Variants in CNGA3 observed in about 807,000 individuals in gnomAD.
CNGA3 encodes cyclic nucleotide gated channel subunit alpha 3.
A neutral mutation model predicts 46.6 loss-of-function variants in CNGA3; 42 were observed. That is an observed-to-expected ratio of 0.90 (90% CI 0.70 to 1.17). CNGA3 has a LOEUF of 1.17. CNGA3 is among the 50% of genes most tolerant of loss of function. The probability of loss-of-function intolerance (pLI) is 0.00; values close to 1 mark genes in which losing one functional copy is unlikely to be tolerated. For missense variants in CNGA3, 893 were observed against 890.7 expected (o/e 1.00, Z -0.03); for synonymous variants, 394 against 369.4 (o/e 1.07, Z -0.76).
At chr2:98,358,488 A>C (rs1375281100) in intron 1 of CNGA3, among the ~76,000 whole-genome samples, 1 of 152,212 alleles carries the variant, frequency 6.6e-6, no homozygotes, top group East Asian at 1.9e-4. Context: ...TCATGCAAAA[A>C]AAAATTAATA....
chr2:98,354,045 A>C (rs1574357698), intron 1 of CNGA3, among the ~76,000 whole-genome samples: 1 of 152,186 alleles, frequency 6.6e-6, no homozygotes, highest in South Asian at 2.1e-4. Context: ...ACAGAACATG[A>C]GATTTGGGAG....
intron 1 of CNGA3, among the ~76,000 whole-genome samples, chr2:98,362,293 C>T (rs1692053449): frequency 6.7e-6 from 1 of 150,318 alleles, no homozygotes; most frequent in African/African-American, 2.4e-5. Context: ...GATTCTCCTA[C>T]CTCAGCCTCC....
intron 1 of CNGA3, among the ~76,000 whole-genome samples, chr2:98,369,327 T>C (rs574595387): frequency 1.1e-4 from 17 of 152,374 alleles, no homozygotes; most frequent in Admixed American, 9.8e-4. Flanking sequence ...CTATCTTTCA[T>C]TGGACAAGCT....
At chr2:98,361,861 C>T (rs1446507086) in intron 1 of CNGA3, among the ~76,000 whole-genome samples, 2 of 151,980 alleles carry the variant, frequency 1.3e-5, no homozygotes, top group African/African-American at 2.4e-5. Context: ...GCGCCCGCCA[C>T]CACCCCCAGA....
At chr2:98,373,246 C>T (rs1163896810) in intron 2 of CNGA3, among the ~76,000 whole-genome samples, 1 of 152,160 alleles carries the variant, frequency 6.6e-6, no homozygotes, top group Non-Finnish European at 1.5e-5. Flanking sequence ...CAGGCACATA[C>T]CACGCAAAAA....
chr2:98,381,779 A>G (rs73961412), intron 4 of CNGA3, among the ~76,000 whole-genome samples: 6,875 of 152,204 alleles, frequency 0.045, 501 homozygotes, highest in African/African-American at 0.16. Flanking sequence ...AGACAAGTGC[A>G]GGGAGGTCCC....
chr2:98,386,322 C>T (rs566610479), intron 5 of CNGA3, among the ~76,000 whole-genome samples: 1 of 152,336 alleles, frequency 6.6e-6, no homozygotes, highest in South Asian at 2.1e-4. Context: ...ACCCAAATCT[C>T]ATCTTGAATT....
At chr2:98,390,800 G>GGGTA (rs1316162127) in intron 6 of CNGA3, among the ~76,000 whole-genome samples, 1 of 152,176 alleles carries the variant, frequency 6.6e-6, no homozygotes, top group East Asian at 1.9e-4. Flanking sequence ...CACCAATGCA[G>GGGTA]GGTACACTGT....
At chr2:98,391,011 G>A (rs572947726) in intron 6 of CNGA3, among the ~76,000 whole-genome samples, 1 of 152,350 alleles carries the variant, frequency 6.6e-6, no homozygotes, top group Admixed American at 6.5e-5. Flanking sequence ...AGAGTAGGCA[G>A]TAGGCTTTGG....
chr2:98,366,046 G>T (rs914909619), intron 1 of CNGA3, among the ~76,000 whole-genome samples: 6 of 152,076 alleles, frequency 3.9e-5, no homozygotes, highest in African/African-American at 1.4e-4. Flanking sequence ...ATCTTGTTTT[G>T]GTCTTTGAGG....
intron 5 of CNGA3, among the ~76,000 whole-genome samples, chr2:98,384,081 G>C (rs1315222261): frequency 1.3e-5 from 2 of 152,044 alleles, no homozygotes; most frequent in African/African-American, 4.8e-5. Flanking sequence ...TAGAGAGGGG[G>C]GGTTTCACCG....
chr2:98,389,610 T>A, intron 5 of CNGA3, 48 bp from the exon 6 acceptor site: 1 of 1,545,778 alleles, frequency 6.5e-7, no homozygotes, highest in Non-Finnish European at 8.9e-7. Context: ...CCTCCAAAGC[T>A]ACAGTCTTGG....
chr2:98,388,787 A>G (rs1470416786), intron 5 of CNGA3, among the ~76,000 whole-genome samples: 1 of 152,226 alleles, frequency 6.6e-6, no homozygotes, highest in Admixed American at 6.5e-5. Context: ...AGTGGTGATG[A>G]GAGCTGTAGG....
At chr2:98,363,527 T>C (rs1692080791) in intron 1 of CNGA3, among the ~76,000 whole-genome samples, 1 of 152,210 alleles carries the variant, frequency 6.6e-6, no homozygotes, top group Non-Finnish European at 1.5e-5. Flanking sequence ...CTTAAGAAGC[T>C]TTTGGGCCAA....
chr2:98,397,398 C>A lies in CNGA3; in HGVS notation c.*143C>A. The A allele has an allele frequency of 1.2e-6, 1 of 861,246 alleles. No homozygotes were observed. The highest frequency in any genetic ancestry group is 1.9e-6 in the Non-Finnish European group (1 of 539,084). 53.4% of individuals were successfully genotyped at this position (861,246 alleles called of 1,614,324 possible). ...AAGCTGTGTGACTGCCTGAGAGAAC[C>A]TGTTTCTTCACCTAAAAAATGGGAC... is the stretch of plus-strand genomic sequence containing the variant. On this transcript the variant is annotated 3_prime_UTR_variant, in exon 8 of 8. Coordinates refer to ENST00000272602, the MANE Select transcript of CNGA3 (RefSeq NM_001298.3).
At chr2:98,393,235 A>C (rs988635577) in intron 7 of CNGA3, among the ~76,000 whole-genome samples, 5 of 152,206 alleles carry the variant, frequency 3.3e-5, no homozygotes, top group African/African-American at 9.7e-5. Flanking sequence ...TGTCTCAAAA[A>C]AAAAAAATGA....
chr2:98,373,350 G>T (rs1410513262), intron 2 of CNGA3, among the ~76,000 whole-genome samples: 1 of 152,202 alleles, frequency 6.6e-6, no homozygotes, highest in Admixed American at 6.5e-5. Flanking sequence ...CTTTTAGAAA[G>T]CTTTATGAGA....
rs527375531 is a variant in CNGA3, at chr2:98,359,841, A to G, written c.-37-10098A>G. 2.0e-5 allele frequency among the ~76,000 whole-genome samples: 3 copies of G among 152,342 alleles called. No individual in the cohort carries two copies. The South Asian group carries it at 6.2e-4, about 32-fold the overall frequency. ...GCTGGTGCACTCAGGGAGATGGACC[A>G]GGGAAGAGTCCCAGGCAGGCTCTAG... is the stretch of plus-strand genomic sequence containing the variant. On this transcript the variant is annotated intron_variant, in intron 1 of 7. Transcript: ENST00000272602.
chr2:98,387,432 G>C, intron 5 of CNGA3, among the ~76,000 whole-genome samples: 1 of 152,324 alleles, frequency 6.6e-6, no homozygotes, highest in Admixed American at 6.5e-5. Context: ...GGGGACTCGA[G>C]GGGTTGTCCC....
Sources: allele counts gnomAD v4.1 joint callset (sites outside exome capture counted in the v4.1 genomes callset), GRCh38; gene constraint gnomAD v4.1.1; transcripts MANE v1.5; gene names NCBI Gene and HGNC (gene_info 2026-07-23, HGNC 2026-07-21).